The following PCDHGA3 variants were observed in gnomAD, a reference collection of about 807,000 sequenced individuals.
The protein encoded by PCDHGA3 is protocadherin gamma subfamily A, 3, also known as protocadherin gamma-A3.
Under a neutral mutation model 58.5 loss-of-function variants are expected in PCDHGA3, and 40 were observed. The ratio of observed to expected loss-of-function variants is 0.68; its 90% CI spans 0.53 to 0.89. The LOEUF is 0.89. Among genes scored for constraint, PCDHGA3 ranks in the 40% least tolerant of loss-of-function variants. The pLI is 0.00. For synonymous variants in PCDHGA3, 530 were observed against 525.7 expected (o/e 1.01, Z -0.11); for missense variants, 1,223 against 1,195.9 (o/e 1.02, Z -0.33).
rs2097400915 is a variant in PCDHGA3, at chr5:141,431,619, A to G, written c.2425-63188A>G. The stretch of plus-strand genomic sequence containing the variant: ...TATTCCTTCCGGTATGTGGACGACA[A>G]GGCGGCCCAAGTTTTCAAACTAGAT... On this transcript the variant is annotated intron_variant, in intron 1 of 3. Coordinates refer to ENST00000253812, the MANE Select transcript of PCDHGA3 (RefSeq NM_018916.4). The surrounding 1 kb of genome is among the most constrained non-coding windows in gnomAD (Gnocchi z 4.8). 3.1e-6 allele frequency: 5 copies of G among 1,614,230 alleles called. No homozygotes were observed. The highest frequency in any genetic ancestry group is 4.5e-5 in the East Asian group (2 of 44,880).
chr5:141,485,858 C>A lies in PCDHGA3; in HGVS notation c.2425-8949C>A, dbSNP rs1431906047. 8.1e-6 allele frequency: 13 copies of A among 1,614,162 alleles called. No individual in the cohort carries two copies. The South Asian group carries it at 1.4e-4, about 18-fold the overall frequency. ...GCCGAGATCTGGCACCGCAGAGCTC[C>A]GGGTATCCGTGCTGGACGTAAACGA... On this transcript the variant is annotated intron_variant, in intron 1 of 3. Coordinates refer to ENST00000253812, the MANE Select transcript of PCDHGA3 (RefSeq NM_018916.4). This position sits in a 1 kb window ranked among gnomAD's most constrained non-coding sequence, Gnocchi z 5.7.
intron 1 of PCDHGA3, chr5:141,427,525 CG>C (rs996050026): frequency 4.9e-6 from 3 of 612,098 alleles, no homozygotes; most frequent in Non-Finnish European, 9.2e-6. Flanking sequence ...GAGCGGATCC[CG>C]GAGTACAACG....
chr5:141,472,079 G>T (rs2099271048), intron 1 of PCDHGA3, among the ~76,000 whole-genome samples: 1 of 152,124 alleles, frequency 6.6e-6, no homozygotes, highest in African/African-American at 2.4e-5. Flanking sequence ...TTATATCAAT[G>T]AGTACTATTA....
At chr5:141,361,631 G>A in intron 1 of PCDHGA3, 1 of 1,613,902 alleles carries the variant, frequency 6.2e-7, no homozygotes, top group Non-Finnish European at 8.5e-7. Context: ...CTGAAGCCGC[G>A]GGAGATTTTA....
At chr5:141,387,594 C>T in intron 1 of PCDHGA3, 1 of 528,418 alleles carries the variant, frequency 1.9e-6, no homozygotes, top group East Asian at 3.1e-5. Context: ...TAACTTGAAG[C>T]AGCAGAGGCT....
rs201409669 is a variant in PCDHGA3 at position 141,490,703 on chromosome 5, G to A, written c.2425-4104G>A. The stretch of plus-strand genomic sequence containing the variant: ...GATCCAGACACTGGGGATAATGCCC[G>A]CCTCACCTACTCCATTGTAGGAAAT... On this transcript the variant is annotated intron_variant, in intron 1 of 3. Coordinates refer to ENST00000253812, the MANE Select transcript of PCDHGA3 (RefSeq NM_018916.4). This position sits in a 1 kb window ranked among gnomAD's most constrained non-coding sequence, Gnocchi z 5.4. 2.6e-4 allele frequency: 421 copies of A among 1,614,106 alleles called. No homozygotes were observed. Among genetic ancestry groups the A allele is most frequent in the Middle Eastern group, 6.6e-4 (4 of 6,062 alleles).
intron 2 of PCDHGA3, among the ~76,000 whole-genome samples, chr5:141,505,146 A>G (rs2099844101): frequency 6.6e-6 from 1 of 152,190 alleles, no homozygotes; most frequent in Non-Finnish European, 1.5e-5. Flanking sequence ...TGGATGACAG[A>G]GTAAGACCCT....
chr5:141,482,981 A>C (rs1377809325), intron 1 of PCDHGA3, among the ~76,000 whole-genome samples: 1 of 150,250 alleles, frequency 6.7e-6, no homozygotes, highest in Non-Finnish European at 1.5e-5. Context: ...GCTACTTGAG[A>C]GGTCGAGGCA....
At chr5:141,383,991 A>C in intron 1 of PCDHGA3, 1 of 1,613,866 alleles carries the variant, frequency 6.2e-7, no homozygotes, top group Non-Finnish European at 8.5e-7. Flanking sequence ...CTCTTGGGAC[A>C]GTCATTGCTC....
intron 1 of PCDHGA3, 42 bp downstream of exon 1, chr5:141,346,499 G>T: frequency 1.2e-6 from 2 of 1,611,232 alleles, no homozygotes; most frequent in Non-Finnish European, 1.7e-6. Context: ...ACAAATATGA[G>T]AATGTGGTTA....
At chr5:141,419,796 T>A in intron 1 of PCDHGA3, 1 of 1,614,026 alleles carries the variant, frequency 6.2e-7, no homozygotes. Flanking sequence ...CTAGTCGCTG[T>A]AAGAGATGGA....
intron 1 of PCDHGA3, chr5:141,478,259 T>G: frequency 6.2e-7 from 1 of 1,614,182 alleles, no homozygotes. Context: ...AGTAATCATA[T>G]TCAAAGTTTA....
At chr5:141,409,631 T>C (rs773588699) in intron 1 of PCDHGA3, 27 of 1,613,698 alleles carry the variant, frequency 1.7e-5, no homozygotes, top group Non-Finnish European at 2.2e-5. Context: ...AGTGAGCGCC[T>C]CTGACCCGGA....
chr5:141,478,870 GT>G, intron 1 of PCDHGA3: 1 of 1,273,360 alleles, frequency 7.9e-7, no homozygotes, highest in Non-Finnish European at 1.0e-6. Context: ...AGCGATCAGA[GT>G]TTAGCTTGGT....
intron 1 of PCDHGA3, chr5:141,414,233 T>C: frequency 1.2e-6 from 2 of 1,613,474 alleles, no homozygotes; most frequent in African/African-American, 2.7e-5. Context: ...GAGCTGACCA[T>C]CACGTCTCTA....
At chr5:141,392,691 AC>A in intron 1 of PCDHGA3, 1 of 1,132,688 alleles carries the variant, frequency 8.8e-7, no homozygotes, top group Non-Finnish European at 1.2e-6. Context: ...GCGAAACCCG[AC>A]CCCTGTTTGG....
chr5:141,370,033 T>C (rs887540311), intron 1 of PCDHGA3, among the ~76,000 whole-genome samples: 10 of 152,232 alleles, frequency 6.6e-5, no homozygotes, highest in African/African-American at 2.4e-4. Context: ...ATATAGTAAG[T>C]ATATTTAATG....
intron 1 of PCDHGA3, chr5:141,407,930 C>G: frequency 2.0e-6 from 1 of 498,998 alleles, no homozygotes. Context: ...CGCACGGAGC[C>G]TCTGGGCGCC....
chr5:141,422,062 A>C, intron 1 of PCDHGA3: 4 of 1,612,140 alleles, frequency 2.5e-6, no homozygotes, highest in Non-Finnish European at 3.4e-6. Context: ...CGGGGAAGTA[A>C]TGTATTCATT....
Sources: gnomAD v4.1 joint callset for allele counts (sites outside exome capture counted in the v4.1 genomes callset) on GRCh38, gnomAD v4.1.1 for gene constraint, Gnocchi (gnomAD v3.1) non-coding constraint, MANE v1.5 for transcripts, NCBI Gene and HGNC (gene_info 2026-07-23, HGNC 2026-07-21) for gene names.